Variants in RAD51B observed in about 807,000 individuals in gnomAD.
RAD51B encodes RAD51 paralog B.
Under a neutral mutation model 42.2 loss-of-function variants are expected in RAD51B, and 38 were observed. The ratio of observed to expected loss-of-function variants is 0.90; its 90% CI spans 0.70 to 1.18. RAD51B has a LOEUF of 1.18. Among genes scored for constraint, RAD51B ranks in the 50% most tolerant of loss-of-function variants. The probability of loss-of-function intolerance (pLI) is 0.00; values close to 1 mark genes in which losing one functional copy is unlikely to be tolerated. For missense variants in RAD51B, 373 were observed against 400.7 expected (o/e 0.93, Z 0.59); for synonymous variants, 154 against 145.2 (o/e 1.06, Z -0.43).
intron 9 of RAD51B, among the ~76,000 whole-genome samples, chr14:68,440,283 G>A (rs1346814130): frequency 6.6e-6 from 1 of 152,198 alleles, no homozygotes; most frequent in African/African-American, 2.4e-5. Context: ...ACAGGCTGTG[G>A]CTTTTACTTT....
chr14:68,067,958 A>G (rs945907076), intron 7 of RAD51B, among the ~76,000 whole-genome samples: 1 of 150,184 alleles, frequency 6.7e-6, no homozygotes. Flanking sequence ...AAAAAAAAAA[A>G]AGAAGGACAC....
At chr14:67,910,680 G>A (rs1430984032) in intron 7 of RAD51B, among the ~76,000 whole-genome samples, 1 of 151,878 alleles carries the variant, frequency 6.6e-6, no homozygotes, top group Non-Finnish European at 1.5e-5. Context: ...AGATTAAAAA[G>A]CATAAACCTA....
At chr14:68,313,774 G>A (rs1215659584) in intron 8 of RAD51B, among the ~76,000 whole-genome samples, 2 of 152,224 alleles carry the variant, frequency 1.3e-5, no homozygotes, top group Non-Finnish European at 2.9e-5. Flanking sequence ...TCAGGGAGAT[G>A]GGGGCTTGGG....
chr14:68,156,458 T>TCTCTCC (rs2078510225), intron 7 of RAD51B, among the ~76,000 whole-genome samples: 1 of 116,876 alleles, frequency 8.6e-6, no homozygotes, highest in African/African-American at 3.6e-5. Flanking sequence ...AGAAAATTTC[T>TCTCTCC]CTCTCTCTCT....
At position 68,558,686 on chromosome 14, in the gene RAD51B, C is replaced by T. The variant is rs113686993; in HGVS notation, c.1037-35799C>T. On this transcript the variant is annotated intron_variant, in intron 10 of 10. Coordinates refer to the RAD51B transcript ENST00000487270. ...GACAGTGTCTGTCTCTGTTCCTCTC[C>T]CCTCTTCTTATAAGGACACCAGCCG... 1.4e-3 allele frequency among the ~76,000 whole-genome samples: 209 copies of T among 152,276 alleles called. 1 individual carries two copies. Among genetic ancestry groups the T allele is most frequent in the African/African-American group, 4.8e-3 (200 of 41,544 alleles).
At chr14:68,104,799 T>C (rs1035246340) in intron 7 of RAD51B, among the ~76,000 whole-genome samples, 2 of 152,080 alleles carry the variant, frequency 1.3e-5, no homozygotes, top group African/African-American at 4.8e-5. Context: ...AGCTACCTAA[T>C]GAGATACTGT....
chr14:68,532,166 A>G (rs1413220917), intron 10 of RAD51B, among the ~76,000 whole-genome samples: 2 of 152,340 alleles, frequency 1.3e-5, no homozygotes, highest in East Asian at 1.9e-4. Context: ...TTAAAACTCA[A>G]TAAAAGATGT....
intron 9 of RAD51B, among the ~76,000 whole-genome samples, chr14:68,439,282 G>A (rs923658179): frequency 6.6e-6 from 1 of 151,908 alleles, no homozygotes; most frequent in East Asian, 1.9e-4. Context: ...CCCCACTCTA[G>A]TTGGGCAGCT....
chr14:68,074,000 C>T (rs985052530), intron 7 of RAD51B, among the ~76,000 whole-genome samples: 4 of 152,060 alleles, frequency 2.6e-5, no homozygotes, highest in African/African-American at 9.7e-5. Context: ...CGACTGGGTG[C>T]TTTGGGGATG....
intron 7 of RAD51B, among the ~76,000 whole-genome samples, chr14:67,958,470 T>C (rs1298090699): frequency 1.3e-5 from 2 of 152,222 alleles, no homozygotes; most frequent in East Asian, 1.9e-4. Flanking sequence ...GCCACCCACA[T>C]TGGTTTTCAT....
intron 9 of RAD51B, among the ~76,000 whole-genome samples, chr14:68,426,568 A>G (rs1239298415): frequency 1.3e-5 from 2 of 152,214 alleles, no homozygotes; most frequent in Admixed American, 6.5e-5. Context: ...AAACCATGAC[A>G]TCGAAGAACT....
intron 7 of RAD51B, among the ~76,000 whole-genome samples, chr14:68,079,475 C>G (rs183350759): frequency 1.3e-5 from 2 of 152,120 alleles, no homozygotes; most frequent in Non-Finnish European, 2.9e-5. Flanking sequence ...TGCTTAAACT[C>G]TGATATATTT....
chr14:68,000,263 G>A (rs1026764023), intron 7 of RAD51B: 2 of 152,016 alleles, frequency 1.3e-5, no homozygotes, highest in African/African-American at 4.8e-5. Context: ...GCTCATTCCC[G>A]AGTTTCCAAG....
At chr14:68,108,310 T>A (rs546788251) in intron 7 of RAD51B, among the ~76,000 whole-genome samples, 25 of 152,090 alleles carry the variant, frequency 1.6e-4, no homozygotes, top group African/African-American at 5.8e-4. Flanking sequence ...ACACAAAACT[T>A]TGTACATAAA....
exon 11 of RAD51B, chr14:68,595,873 A>C (rs1298206771): frequency 3.4e-6 from 1 of 294,926 alleles, no homozygotes; most frequent in African/African-American, 2.2e-5. Flanking sequence ...TAACTGGAAA[A>C]ATATGTATAA....
At chr14:68,077,501 A>G (rs907312865) in intron 7 of RAD51B, among the ~76,000 whole-genome samples, 39 of 152,214 alleles carry the variant, frequency 2.6e-4, no homozygotes, top group African/African-American at 9.4e-4. Context: ...AGTATTAAAG[A>G]TGTTTGCCTT....
At chr14:68,118,376 A>G (rs747985761) in intron 7 of RAD51B, among the ~76,000 whole-genome samples, 1 of 152,294 alleles carries the variant, frequency 6.6e-6, no homozygotes, top group African/African-American at 2.4e-5. Context: ...TTTAGTTGTC[A>G]TGACTCCTTA....
chr14:67,954,077 A>C (rs1158793640), intron 7 of RAD51B, among the ~76,000 whole-genome samples: 2 of 152,192 alleles, frequency 1.3e-5, no homozygotes, highest in African/African-American at 4.8e-5. Context: ...TTTTACTCCA[A>C]CTACTGTGGT....
At chr14:68,231,350 C>T (rs2080145480) in intron 7 of RAD51B, among the ~76,000 whole-genome samples, 1 of 152,132 alleles carries the variant, frequency 6.6e-6, no homozygotes, top group Non-Finnish European at 1.5e-5. Flanking sequence ...CTAAATCTTT[C>T]CTCCAACCTT....
Sources: gnomAD v4.1 joint callset for allele counts (sites outside exome capture counted in the v4.1 genomes callset) on GRCh38, gnomAD v4.1.1 for gene constraint, MANE v1.5 for transcripts, NCBI Gene and HGNC (gene_info 2026-07-23, HGNC 2026-07-21) for gene names.